Variants in PAPPA observed in about 807,000 individuals in gnomAD.
PAPPA encodes the protein pappalysin-1.
In PAPPA, 60 loss-of-function variants were observed where a neutral mutation model predicts 164.0. The observed-to-expected ratio is 0.37, with a 90% CI of 0.30 to 0.45. The LOEUF (loss-of-function observed/expected upper bound fraction) is 0.45, where lower values mean the gene tolerates loss of function less well. Ranked by LOEUF, PAPPA falls within the 20% of genes least tolerant of loss-of-function variation. The pLI, the probability that PAPPA is intolerant of heterozygous loss-of-function variation, is 1.00. For synonymous variants in PAPPA, 875 were observed against 814.1 expected (o/e 1.07, Z -1.27); for missense variants, 1,782 against 2,087.3 (o/e 0.85, Z 2.85).
intron 21 of PAPPA, among the ~76,000 whole-genome samples, chr9:116,392,940 G>A (rs917421748): frequency 6.6e-6 from 1 of 152,182 alleles, no homozygotes; most frequent in African/African-American, 2.4e-5. Flanking sequence ...GGAGGCTCTG[G>A]ATAGGCCTCC....
chr9:116,328,858 C>A (rs1377967186), intron 10 of PAPPA, among the ~76,000 whole-genome samples: 1 of 152,172 alleles, frequency 6.6e-6, no homozygotes, highest in African/African-American at 2.4e-5. Context: ...GGCCAAAAGA[C>A]AAGACAACTT....
At chr9:116,170,513 C>G (rs1195209169) in intron 1 of PAPPA, among the ~76,000 whole-genome samples, 1 of 152,084 alleles carries the variant, frequency 6.6e-6, no homozygotes, top group Non-Finnish European at 1.5e-5. Flanking sequence ...GACCATGAAG[C>G]CACAAATCCA....
chr9:116,231,659 GCGGATGGATGGATGGA>G (rs2118733689), intron 6 of PAPPA, among the ~76,000 whole-genome samples: 1 of 126,578 alleles, frequency 7.9e-6, no homozygotes, highest in South Asian at 2.9e-4. Flanking sequence ...GAATGAATGG[GCGGATGGATGGATGGA>G]TGGATGGATG....
At chr9:116,169,556 G>A (rs899321058) in intron 1 of PAPPA, among the ~76,000 whole-genome samples, 2 of 151,484 alleles carry the variant, frequency 1.3e-5, no homozygotes, top group Non-Finnish European at 2.9e-5. Flanking sequence ...CTGACCTCAG[G>A]TGATCCGCCC....
At chr9:116,213,107 T>C (rs1443540369) in intron 4 of PAPPA, among the ~76,000 whole-genome samples, 1 of 152,214 alleles carries the variant, frequency 6.6e-6, no homozygotes, top group East Asian at 1.9e-4. Context: ...ACAGGGATGC[T>C]TCAGGGCAAC....
chr9:116,357,882 A>T (rs916078668), intron 17 of PAPPA, among the ~76,000 whole-genome samples: 9 of 152,196 alleles, frequency 5.9e-5, no homozygotes, highest in Admixed American at 2.0e-4. Flanking sequence ...AGCAGGAGCA[A>T]GAGAGAAAGG....
intron 7 of PAPPA, among the ~76,000 whole-genome samples, chr9:116,248,181 T>G (rs1844819079): frequency 6.6e-6 from 1 of 152,152 alleles, no homozygotes; most frequent in South Asian, 2.1e-4. Flanking sequence ...TATGCTTCAG[T>G]GTTGGGTTAG....
chr9:116,203,213 C>T (rs1844191698), intron 2 of PAPPA, among the ~76,000 whole-genome samples: 1 of 152,194 alleles, frequency 6.6e-6, no homozygotes, highest in African/African-American at 2.4e-5. Flanking sequence ...GTGACATGTA[C>T]ACAGGTTAGA....
At chr9:116,226,308 G>A (rs369235408) in intron 5 of PAPPA, among the ~76,000 whole-genome samples, 2 of 152,124 alleles carry the variant, frequency 1.3e-5, no homozygotes, top group Non-Finnish European at 2.9e-5. Flanking sequence ...GAGGAGGAAC[G>A]GGGAGAAACA....
intron 10 of PAPPA, among the ~76,000 whole-genome samples, chr9:116,323,884 T>A (rs1034478952): frequency 6.6e-6 from 1 of 152,178 alleles, no homozygotes; most frequent in East Asian, 1.9e-4. Flanking sequence ...TTTCCATAAA[T>A]AGGAAGAGTG....
intron 5 of PAPPA, among the ~76,000 whole-genome samples, chr9:116,226,408 A>G (rs1844511094): frequency 2.0e-5 from 3 of 152,224 alleles, no homozygotes; most frequent in Non-Finnish European, 4.4e-5. Flanking sequence ...GCCATAAGGA[A>G]GGCTTCAGAC....
intron 2 of PAPPA, 58 bp from the exon 3 acceptor site, chr9:116,207,398 G>T (rs551372672): frequency 1.4e-6 from 1 of 710,858 alleles, no homozygotes; most frequent in Admixed American, 5.1e-5. Context: ...ATTATTTGGA[G>T]AGGGCCTGTT....
rs3789296 is a variant in PAPPA at position 116,230,704 on chromosome 9, A to G, written c.2233+3152A>G. Among the ~76,000 whole-genome samples, 200 of 152,292 alleles carry G rather than the reference A, an allele frequency of 1.3e-3. 6 individuals are homozygous for G. In the East Asian group the frequency reaches 0.033, roughly 25 times the overall value. The stretch of plus-strand genomic sequence containing the variant: ...TCTAAGAAGGTAAATACAGTCATAG[A>G]ACTGCTTGCCTTTGTTCATAGACAG... On this transcript the variant is annotated intron_variant, in intron 6 of 21. Coordinates refer to ENST00000328252, the MANE Select transcript of PAPPA (RefSeq NM_002581.5).
intron 9 of PAPPA, among the ~76,000 whole-genome samples, chr9:116,296,084 T>C (rs1587992040): frequency 2.0e-5 from 3 of 152,350 alleles, no homozygotes; most frequent in African/African-American, 4.8e-5. Flanking sequence ...ATTACTGGGT[T>C]CTTAGTGTTA....
chr9:116,253,261 A>G (rs982962922), intron 7 of PAPPA, among the ~76,000 whole-genome samples: 8 of 152,128 alleles, frequency 5.3e-5, no homozygotes, highest in African/African-American at 1.4e-4. Flanking sequence ...TTGTGTTACA[A>G]TCACACTCTA....
chr9:116,291,971 G>A (rs1845442085), intron 9 of PAPPA, among the ~76,000 whole-genome samples: 2 of 152,102 alleles, frequency 1.3e-5, no homozygotes, highest in South Asian at 2.1e-4. Flanking sequence ...TGAAATGACT[G>A]CTAAATAATG....
intron 10 of PAPPA, among the ~76,000 whole-genome samples, chr9:116,323,289 G>A (rs1393403242): frequency 1.3e-5 from 2 of 152,130 alleles, no homozygotes; most frequent in African/African-American, 4.8e-5. Flanking sequence ...GGGTCCTGGA[G>A]CCACAGAGTC....
At chr9:116,371,574 GTTC>G (rs1424168968) in intron 19 of PAPPA, among the ~76,000 whole-genome samples, 1 of 151,840 alleles carries the variant, frequency 6.6e-6, no homozygotes, top group Non-Finnish European at 1.5e-5. Context: ...TACTGTTGAA[GTTC>G]TTTTCTACTT....
At chr9:116,273,857 T>C (rs1845165723) in intron 9 of PAPPA, among the ~76,000 whole-genome samples, 1 of 152,240 alleles carries the variant, frequency 6.6e-6, no homozygotes. Flanking sequence ...TGTTGTTCTC[T>C]ACCAGATTCT....
Sources: allele counts gnomAD v4.1 joint callset (sites outside exome capture counted in the v4.1 genomes callset), GRCh38; gene constraint gnomAD v4.1.1; transcripts MANE v1.5; gene names NCBI Gene and HGNC (gene_info 2026-07-23, HGNC 2026-07-21).